The following SYT1 variants were observed in gnomAD, a reference collection of about 807,000 sequenced individuals.
The protein encoded by SYT1 is synaptotagmin 1.
Under a neutral mutation model 44.8 loss-of-function variants are expected in SYT1, and 8 were observed. That is an observed-to-expected ratio of 0.18 (90% CI 0.10 to 0.32). The LOEUF is 0.32. Ranked by LOEUF, SYT1 falls within the 10% of genes least tolerant of loss-of-function variation. The probability of loss-of-function intolerance (pLI) is 1.00; values close to 1 mark genes in which losing one functional copy is unlikely to be tolerated. For missense variants in SYT1, 286 were observed against 509.3 expected (o/e 0.56, Z 4.22); for synonymous variants, 154 against 188.8 (o/e 0.82, Z 1.51).
At chr12:79,355,591 A>G (rs941130119) in intron 9 of SYT1, among the ~76,000 whole-genome samples, 1 of 152,222 alleles carries the variant, frequency 6.6e-6, no homozygotes, top group Non-Finnish European at 1.5e-5. Flanking sequence ...TTGAGTCTAC[A>G]TAATGTAGAT....
At chr12:79,113,843 T>C (rs1197019778) in intron 3 of SYT1, among the ~76,000 whole-genome samples, 1 of 152,172 alleles carries the variant, frequency 6.6e-6, no homozygotes, top group Non-Finnish European at 1.5e-5. Context: ...TGTTCAAATT[T>C]AACCTAAGTG....
chr12:79,080,638 A>C (rs2137948414), intron 3 of SYT1, among the ~76,000 whole-genome samples: 1 of 152,316 alleles, frequency 6.6e-6, no homozygotes, highest in East Asian at 1.9e-4. Context: ...AAATATCACA[A>C]GCAAAAATTG....
chr12:79,365,763 A>G (rs1883514674), intron 9 of SYT1, among the ~76,000 whole-genome samples: 1 of 150,948 alleles, frequency 6.6e-6, no homozygotes, highest in Non-Finnish European at 1.5e-5. Context: ...GTAAGATGCA[A>G]TTACCCTAAG....
chr12:78,949,172 CAT>C (rs988899978), intron 1 of SYT1, among the ~76,000 whole-genome samples: 13 of 151,450 alleles, frequency 8.6e-5, no homozygotes, highest in African/African-American at 3.1e-4. Flanking sequence ...TATGAGAACA[CAT>C]ATTTTTTGAA....
At chr12:79,063,543 C>T (rs955466716) in intron 3 of SYT1, among the ~76,000 whole-genome samples, 2 of 152,044 alleles carry the variant, frequency 1.3e-5, no homozygotes, top group Non-Finnish European at 2.9e-5. Context: ...TAAACCAAAG[C>T]ATAATGTTCA....
chr12:78,920,514 T>A (rs1413423955), intron 1 of SYT1, among the ~76,000 whole-genome samples: 1 of 152,056 alleles, frequency 6.6e-6, no homozygotes, highest in Non-Finnish European at 1.5e-5. Context: ...TTAATTCACA[T>A]GTTTTAATTT....
chr12:78,961,812 G>C (rs1454744806), intron 1 of SYT1, among the ~76,000 whole-genome samples: 1 of 151,992 alleles, frequency 6.6e-6, no homozygotes, highest in Non-Finnish European at 1.5e-5. Flanking sequence ...TTTTCTGCTT[G>C]ATATGTCATA....
intron 3 of SYT1, among the ~76,000 whole-genome samples, chr12:79,174,291 A>G (rs1449772445): frequency 2.0e-5 from 3 of 152,054 alleles, no homozygotes; most frequent in African/African-American, 7.2e-5. Context: ...GGTGACATTG[A>G]TGAAGAATTA....
intron 3 of SYT1, among the ~76,000 whole-genome samples, chr12:79,071,132 TTAAA>T (rs1421899399): frequency 2.0e-5 from 3 of 152,194 alleles, no homozygotes; most frequent in Non-Finnish European, 2.9e-5. Context: ...CAAAAAATAC[TTAAA>T]TAACTAGAAA....
At chr12:79,409,484 C>T (rs534355113) in intron 9 of SYT1, among the ~76,000 whole-genome samples, 2 of 152,190 alleles carry the variant, frequency 1.3e-5, no homozygotes, top group African/African-American at 4.8e-5. Flanking sequence ...TATATTACTT[C>T]GCTTTGTTCT....
At chr12:79,350,611 A>G (rs1196120646) in intron 8 of SYT1, among the ~76,000 whole-genome samples, 1 of 151,984 alleles carries the variant, frequency 6.6e-6, no homozygotes, top group African/African-American at 2.4e-5. Context: ...ATCCTCCCCA[A>G]CATGTGAGAA....
Position 79,083,880 on chromosome 12 carries a change from G to A in SYT1, c.-18+36518G>A, listed in dbSNP as rs566038631. On this transcript the variant is annotated intron_variant, in intron 3 of 10. Coordinates refer to ENST00000261205, the MANE Select transcript of SYT1 (RefSeq NM_005639.3). ...CAACACGAACATCTTTGTGTTCATGGAAGTGGACATCCTTTGTAATATTAT... is the reference window on the plus strand; with the variant it reads ...CAACACGAACATCTTTGTGTTCATGAAAGTGGACATCCTTTGTAATATTAT... Among the ~76,000 whole-genome samples the A allele has an allele frequency of 1.0e-3, 158 of 152,228 alleles. 1 individual carries two copies. The highest frequency in any genetic ancestry group is 3.6e-3 in the African/African-American group (149 of 41,546).
chr12:79,393,401 AC>A (rs1229585992), intron 9 of SYT1: 1 of 152,180 alleles, frequency 6.6e-6, no homozygotes, highest in East Asian at 1.9e-4. Flanking sequence ...CAATGGTTGT[AC>A]TAATTCACAC....
intron 1 of SYT1, among the ~76,000 whole-genome samples, chr12:78,893,063 G>A (rs574470169): frequency 1.3e-5 from 2 of 151,950 alleles, no homozygotes; most frequent in South Asian, 4.1e-4. Flanking sequence ...CACTAGGATT[G>A]TGCAGATAAA....
At chr12:79,274,073 A>T (rs905577268) in intron 4 of SYT1, among the ~76,000 whole-genome samples, 3 of 152,104 alleles carry the variant, frequency 2.0e-5, no homozygotes, top group Non-Finnish European at 2.9e-5. Flanking sequence ...ACAAAGCAAG[A>T]CTCCGTCTGA....
intron 2 of SYT1, among the ~76,000 whole-genome samples, chr12:79,038,943 AAAGT>A: frequency 6.6e-6 from 1 of 152,146 alleles, no homozygotes. Flanking sequence ...GTCATTCTTG[AAAGT>A]AAGTTATCTT....
intron 6 of SYT1, 128 bp downstream of exon 6, chr12:79,292,258 G>T: frequency 1.7e-6 from 2 of 1,157,326 alleles, no homozygotes; most frequent in Non-Finnish European, 2.4e-6. Flanking sequence ...CAAAGCTATG[G>T]ATGAAATAAT....
chr12:79,006,707 G>A (rs986680802), intron 2 of SYT1, among the ~76,000 whole-genome samples: 5 of 152,024 alleles, frequency 3.3e-5, no homozygotes, highest in Non-Finnish European at 5.9e-5. Flanking sequence ...AGATATTCTC[G>A]GAAAGCTTCA....
chr12:79,181,687 G>C (rs1279897502), intron 3 of SYT1, among the ~76,000 whole-genome samples: 1 of 152,006 alleles, frequency 6.6e-6, no homozygotes, highest in South Asian at 2.1e-4. Flanking sequence ...CTCCTCATGA[G>C]ACACCAATGG....
Sources: allele counts gnomAD v4.1 joint callset (sites outside exome capture counted in the v4.1 genomes callset), GRCh38; gene constraint gnomAD v4.1.1; transcripts MANE v1.5; gene names NCBI Gene and HGNC (gene_info 2026-07-23, HGNC 2026-07-21).